The following CNTNAP2 variants were observed in gnomAD, a reference collection of about 807,000 sequenced individuals.
CNTNAP2 encodes contactin-associated protein-like 2.
Under a neutral mutation model 155.2 loss-of-function variants are expected in CNTNAP2, and 98 were observed. The observed-to-expected ratio is 0.63, with a 90% confidence interval of 0.54 to 0.75. The LOEUF (loss-of-function observed/expected upper bound fraction) is 0.75, where lower values mean the gene tolerates loss of function less well. Ranked by LOEUF, CNTNAP2 falls within the 30% of genes least tolerant of loss-of-function variation. The pLI is 0.00. For synonymous variants in CNTNAP2, 651 were observed against 631.2 expected (o/e 1.03, Z -0.47); for missense variants, 1,727 against 1,688.1 (o/e 1.02, Z -0.40).
intron 13 of CNTNAP2, among the ~76,000 whole-genome samples, chr7:147,859,031 A>G (rs1799092368): frequency 6.6e-6 from 1 of 152,198 alleles, no homozygotes; most frequent in African/African-American, 2.4e-5. Context: ...TTAAGCGAAT[A>G]TAAGATGTAA....
chr7:146,216,715 C>T (rs990260044), intron 1 of CNTNAP2, among the ~76,000 whole-genome samples: 4 of 152,192 alleles, frequency 2.6e-5, no homozygotes, highest in African/African-American at 9.7e-5. Flanking sequence ...CAAGAAACTG[C>T]CTCGCACTCT....
intron 8 of CNTNAP2, among the ~76,000 whole-genome samples, chr7:147,144,666 T>C (rs989062724): frequency 2.0e-5 from 3 of 152,210 alleles, no homozygotes; most frequent in African/African-American, 7.2e-5. Flanking sequence ...ATAGTCTCTA[T>C]AGGAATTATT....
chr7:146,983,936 T>C (rs1255850321), intron 3 of CNTNAP2, among the ~76,000 whole-genome samples: 1 of 152,228 alleles, frequency 6.6e-6, no homozygotes, highest in East Asian at 1.9e-4. Context: ...GATGTTTTCT[T>C]TAATATTCAT....
intron 13 of CNTNAP2, among the ~76,000 whole-genome samples, chr7:147,870,885 T>G (rs1396917740): frequency 2.6e-5 from 4 of 152,086 alleles, no homozygotes; most frequent in Admixed American, 2.6e-4. Flanking sequence ...GGTCTGAGGA[T>G]AGGGGGATCC....
chr7:147,115,913 T>A (rs754679479), intron 5 of CNTNAP2, among the ~76,000 whole-genome samples: 1 of 152,208 alleles, frequency 6.6e-6, no homozygotes, highest in Non-Finnish European at 1.5e-5. Context: ...TTTTTCAGAA[T>A]TTTTTGCATT....
At chr7:147,641,698 A>C (rs963399425) in intron 13 of CNTNAP2, among the ~76,000 whole-genome samples, 4 of 152,082 alleles carry the variant, frequency 2.6e-5, no homozygotes, top group Non-Finnish European at 4.4e-5. Context: ...TGGTGGCCTC[A>C]GGAGAAGAAA....
At chr7:146,867,781 C>CGTG (rs57015319) in intron 3 of CNTNAP2, among the ~76,000 whole-genome samples, 9 of 150,734 alleles carry the variant, frequency 6.0e-5, no homozygotes, top group African/African-American at 2.2e-4. Context: ...GTGATAGTGA[C>CGTG]TTTTTTTTTT....
intron 13 of CNTNAP2, among the ~76,000 whole-genome samples, chr7:147,873,667 C>A (rs1368676514): frequency 6.6e-6 from 1 of 152,140 alleles, no homozygotes; most frequent in Non-Finnish European, 1.5e-5. Flanking sequence ...CCTGGCTCCT[C>A]CCAAATCTCA....
intron 1 of CNTNAP2, among the ~76,000 whole-genome samples, chr7:146,701,192 G>A (rs1800872245): frequency 6.6e-6 from 1 of 152,206 alleles, no homozygotes; most frequent in Non-Finnish European, 1.5e-5. Context: ...CAAGGCCGAT[G>A]TTCTGCTGGC....
intron 8 of CNTNAP2, among the ~76,000 whole-genome samples, chr7:147,190,010 C>G (rs1486179380): frequency 1.3e-5 from 2 of 152,100 alleles, no homozygotes; most frequent in African/African-American, 4.8e-5. Flanking sequence ...TCCCAAAGAG[C>G]TAGGATTACA....
At chr7:146,385,569 A>G (rs918003745) in intron 1 of CNTNAP2, among the ~76,000 whole-genome samples, 1 of 152,174 alleles carries the variant, frequency 6.6e-6, no homozygotes, top group African/African-American at 2.4e-5. Flanking sequence ...CAGCCAAGTA[A>G]TCTCTCTTGT....
At chr7:147,886,919 A>T (rs959870515) in intron 13 of CNTNAP2, among the ~76,000 whole-genome samples, 3 of 152,186 alleles carry the variant, frequency 2.0e-5, no homozygotes, top group Non-Finnish European at 4.4e-5. Context: ...AGGTCAACAC[A>T]TCCTACTAAT....
chr7:147,018,850 C>T (rs890724581), intron 3 of CNTNAP2, among the ~76,000 whole-genome samples: 3 of 151,950 alleles, frequency 2.0e-5, no homozygotes, highest in Admixed American at 6.6e-5. Flanking sequence ...CAGGCATCTC[C>T]TTCTAAAAAG....
intron 18 of CNTNAP2, among the ~76,000 whole-genome samples, chr7:148,198,707 G>C (rs972493624): frequency 2.0e-5 from 3 of 152,216 alleles, no homozygotes; most frequent in Non-Finnish European, 4.4e-5. Context: ...TTAGCAGTTG[G>C]TTAAAGCTTC....
At chr7:147,386,429 G>A (rs186484574) in intron 9 of CNTNAP2, among the ~76,000 whole-genome samples, 7 of 152,210 alleles carry the variant, frequency 4.6e-5, no homozygotes, top group East Asian at 1.9e-4. Flanking sequence ...TTAACAGCAC[G>A]CATTCACCCC....
intron 1 of CNTNAP2, among the ~76,000 whole-genome samples, chr7:146,721,411 T>TTCTATATATAC (rs1563203556): frequency 3.1e-5 from 4 of 129,506 alleles, no homozygotes; most frequent in Admixed American, 1.6e-4. Flanking sequence ...TCTATATATA[T>TTCTATATATAC]TCTATATATA....
chr7:146,388,766 C>G (rs1584901690), intron 1 of CNTNAP2, among the ~76,000 whole-genome samples: 1 of 152,208 alleles, frequency 6.6e-6, no homozygotes, highest in African/African-American at 2.4e-5. Context: ...CCCCCACTAC[C>G]CTTTTCAGCA....
chr7:146,599,664 CT>C (rs1294431353), intron 1 of CNTNAP2, among the ~76,000 whole-genome samples: 20 of 151,792 alleles, frequency 1.3e-4, no homozygotes, highest in Admixed American at 1.3e-3. Context: ...TTACCATCAG[CT>C]TTTTGGTTGC....
intron 1 of CNTNAP2, among the ~76,000 whole-genome samples, chr7:146,508,123 G>T (rs1449599661): frequency 2.0e-5 from 3 of 152,130 alleles, no homozygotes. Flanking sequence ...AGAATTGTAG[G>T]GTTTGTGCAT....
Sources: gnomAD v4.1 joint callset for allele counts (sites outside exome capture counted in the v4.1 genomes callset) on GRCh38, gnomAD v4.1.1 for gene constraint, MANE v1.5 for transcripts, NCBI Gene and HGNC (gene_info 2026-07-23, HGNC 2026-07-21) for gene names.